The following MREG variants were observed in gnomAD, a reference collection of about 807,000 sequenced individuals.
MREG encodes dilute suppressor protein homolog.
Under a neutral mutation model 28.5 loss-of-function variants are expected in MREG, and 31 were observed. The observed-to-expected ratio is 1.09, with a 90% CI of 0.82 to 1.47. The LOEUF is 1.47. MREG is among the 40% of genes most tolerant of loss of function. The probability of loss-of-function intolerance (pLI) is 0.00; values close to 1 mark genes in which losing one functional copy is unlikely to be tolerated. For missense variants in MREG, 256 were observed against 257.4 expected (o/e 0.99, Z 0.04); for synonymous variants, 106 against 95.2 (o/e 1.11, Z -0.66).
chr2:215,944,821 G>A lies in MREG; in HGVS notation c.*42C>T, dbSNP rs777904629. 3 of 1,543,260 alleles carry A rather than the reference G, an allele frequency of 1.9e-6. No individual in the cohort carries two copies. The highest frequency in any genetic ancestry group is 2.7e-5 in the African/African-American group (2 of 73,712). The stretch of plus-strand genomic sequence containing the variant: ...TTGTCCAACTTTGGTTGACTGCTGA[G>A]TCCTCATGGAAGAATTCCCATTCTG... On this transcript the variant is annotated 3_prime_UTR_variant, in exon 5 of 5. Transcript: ENST00000263268.
intron 1 of MREG, among the ~76,000 whole-genome samples, chr2:216,001,793 T>TCTCATAAAA (rs1418684861): frequency 6.6e-6 from 1 of 152,152 alleles, no homozygotes; most frequent in Non-Finnish European, 1.5e-5. Flanking sequence ...GGTCAAGGTA[T>TCTCATAAAA]CAAGCCACAT....
chr2:216,020,940 A>G (rs1373594034), intron 1 of MREG, among the ~76,000 whole-genome samples: 3 of 152,194 alleles, frequency 2.0e-5, no homozygotes, highest in African/African-American at 7.2e-5. Flanking sequence ...AAACAGACAG[A>G]GAGAAATTAT....
At chr2:216,015,359 G>C (rs1014124000), upstream of MREG, among the ~76,000 whole-genome samples, 2 of 152,106 alleles carry the variant, frequency 1.3e-5, no homozygotes, top group African/African-American at 4.8e-5. Context: ...GTGAATATGG[G>C]CAAAACCCCA....
intron 2 of MREG, 36 bp from the exon 3 acceptor site, chr2:215,947,149 C>T (rs1270191846): frequency 7.0e-7 from 1 of 1,425,218 alleles, no homozygotes; most frequent in Non-Finnish European, 9.8e-7. Flanking sequence ...TATTTATACC[C>T]CTTGGCTTAA....
intron 1 of MREG, among the ~76,000 whole-genome samples, chr2:216,031,681 AAGAAAGAAAG>A (rs369002283): frequency 0.35 from 40,489 of 115,396 alleles, 6,209 homozygotes; most frequent in Admixed American, 0.45. Flanking sequence ...GAAAGAAAGA[AAGAAAGAAAG>A]AGAAAGAAAG....
chr2:215,999,202 G>A (rs941268154), intron 1 of MREG, among the ~76,000 whole-genome samples: 9 of 152,226 alleles, frequency 5.9e-5, no homozygotes, highest in African/African-American at 1.7e-4. Context: ...AAAAGGTAAC[G>A]TGGGGTCAGA....
At chr2:216,030,058 T>C (rs1024568217) in intron 1 of MREG, among the ~76,000 whole-genome samples, 2 of 152,174 alleles carry the variant, frequency 1.3e-5, no homozygotes, top group African/African-American at 4.8e-5. Flanking sequence ...CACCTTAAAA[T>C]TACTGCTTGC....
intron 1 of MREG, among the ~76,000 whole-genome samples, chr2:216,031,449 A>C (rs1421770494): frequency 6.9e-6 from 1 of 144,174 alleles, no homozygotes; most frequent in Admixed American, 7.3e-5. Flanking sequence ...AAGAAAAAGA[A>C]AGAAAGAGAG....
At chr2:215,965,236 T>C (rs186686601) in intron 2 of MREG, among the ~76,000 whole-genome samples, 4 of 152,242 alleles carry the variant, frequency 2.6e-5, no homozygotes, top group African/African-American at 4.8e-5. Flanking sequence ...TTTTGTTAAA[T>C]TGAAAATCCT....
chr2:215,985,593 A>T (rs1049656365), intron 2 of MREG, among the ~76,000 whole-genome samples: 11 of 152,010 alleles, frequency 7.2e-5, no homozygotes, highest in Non-Finnish European at 1.0e-4. Flanking sequence ...TTGCTCTTCT[A>T]TATATATTTT....
intron 2 of MREG, among the ~76,000 whole-genome samples, chr2:215,973,118 T>C (rs1220297688): frequency 6.6e-6 from 1 of 152,152 alleles, no homozygotes; most frequent in African/African-American, 2.4e-5. Flanking sequence ...TGGATGACCC[T>C]GGAGAAGGGG....
At chr2:215,990,685 A>G (rs1693698587) in intron 2 of MREG, among the ~76,000 whole-genome samples, 1 of 152,234 alleles carries the variant, frequency 6.6e-6, no homozygotes, top group Non-Finnish European at 1.5e-5. Flanking sequence ...GGCTCAAAAC[A>G]AAGGGTTGGA....
chr2:215,969,501 T>C (rs1693031364), intron 2 of MREG, among the ~76,000 whole-genome samples: 1 of 152,208 alleles, frequency 6.6e-6, no homozygotes, highest in African/African-American at 2.4e-5. Context: ...AGCATTTTTA[T>C]GCCATTTCTC....
intron 2 of MREG, among the ~76,000 whole-genome samples, chr2:215,955,422 C>T (rs1692598376): frequency 6.6e-6 from 1 of 152,268 alleles, no homozygotes; most frequent in East Asian, 1.9e-4. Flanking sequence ...TATATACCAC[C>T]CTTTGGGAAT....
intron 2 of MREG, among the ~76,000 whole-genome samples, chr2:215,967,115 C>T (rs938259637): frequency 1.3e-5 from 2 of 152,150 alleles, no homozygotes; most frequent in Non-Finnish European, 2.9e-5. Context: ...TTTATAATTA[C>T]CCCAGTCTTT....
intron 1 of MREG, among the ~76,000 whole-genome samples, chr2:216,008,316 A>G (rs1694214551): frequency 6.6e-6 from 1 of 152,186 alleles, no homozygotes; most frequent in Admixed American, 6.5e-5. Context: ...TCTGTGGGCC[A>G]TTCAGGAAAA....
At chr2:216,024,923 AAAAGGAACGG>A (rs1447478893) in intron 1 of MREG, among the ~76,000 whole-genome samples, 2 of 145,108 alleles carry the variant, frequency 1.4e-5, no homozygotes, top group African/African-American at 5.4e-5. Flanking sequence ...AAGGAAAAAA[AAAAGGAACGG>A]AAAGGAAGGG....
intron 2 of MREG, among the ~76,000 whole-genome samples, chr2:215,959,628 TAC>T (rs905680416): frequency 9.2e-5 from 14 of 152,332 alleles, no homozygotes; most frequent in African/African-American, 3.4e-4. Context: ...GCTTACTGAA[TAC>T]AGTTTCAATC....
chr2:215,940,960 C>A (rs1304160080), downstream of MREG, among the ~76,000 whole-genome samples: 1 of 152,126 alleles, frequency 6.6e-6, no homozygotes, highest in African/African-American at 2.4e-5. Context: ...GATCAGTGGC[C>A]ACAAACCATG....
Sources: allele counts gnomAD v4.1 joint callset (sites outside exome capture counted in the v4.1 genomes callset), GRCh38; gene constraint gnomAD v4.1.1; transcripts MANE v1.5; gene names NCBI Gene and HGNC (gene_info 2026-07-23, HGNC 2026-07-21).